MT1M: variants seen among roughly 807,000 people sequenced by gnomAD.
MT1M encodes metallothionein-1M.
MT1M carries 11 observed loss-of-function variants against 8.5 expected under a neutral mutation model. That is an observed-to-expected ratio of 1.29 (90% confidence interval 0.81 to 2.14). MT1M has a LOEUF of 2.14. MT1M is among the 30% of genes most tolerant of loss of function. MT1M has a pLI of 0.00. For missense variants in MT1M, 84 were observed against 76.6 expected (o/e 1.10, Z -0.36); for synonymous variants, 28 against 30.0 (o/e 0.93, Z 0.22).
Position 56,632,677 on chromosome 16 carries a change from G to C in MT1M, c.-55G>C. 4 of 1,610,562 alleles carry C rather than the reference G, an allele frequency of 2.5e-6. No homozygotes were observed. The highest frequency in any genetic ancestry group is 2.5e-6 in the Non-Finnish European group (3 of 1,178,346). On this transcript the variant is annotated 5_prime_UTR_variant, in exon 1 of 3. Coordinates refer to ENST00000379818, the MANE Select transcript of MT1M (RefSeq NM_176870.3). Reference sequence around the variant, plus strand: ...GCGCTCCACCACGCCGTCCGGGTGGGCCTAGCAGTCGCTCCATTTATCGCT... The same window carrying C: ...GCGCTCCACCACGCCGTCCGGGTGGCCCTAGCAGTCGCTCCATTTATCGCT...
At chr16:56,633,135 G>T (rs1296431585) in intron 1 of MT1M, among the ~76,000 whole-genome samples, 1 of 152,168 alleles carries the variant, frequency 6.6e-6, no homozygotes, top group African/African-American at 2.4e-5. Context: ...GGTTGGGTGT[G>T]CCCCTGGGAC....
rs552403748 is a variant in MT1M at position 56,632,670 on chromosome 16, C to T, written c.-62C>T. ...GGCTGTGGCGCTCCACCACGCCGTC[C>T]GGGTGGGCCTAGCAGTCGCTCCATT... On this transcript the variant is annotated 5_prime_UTR_variant, in exon 1 of 3. Transcript: ENST00000379818. The T allele has an allele frequency of 3.4e-5, 54 of 1,606,850 alleles. No individual in the cohort carries two copies. In the South Asian group the frequency reaches 3.7e-4, roughly 11 times the overall value.
rs376010418 is a variant in MT1M at position 56,633,741 on chromosome 16, T to C, written c.95-10T>C. 1 of 1,613,974 alleles carries C rather than the reference T, an allele frequency of 6.2e-7. No homozygotes were observed. The highest frequency in any genetic ancestry group is 1.3e-5 in the African/African-American group (1 of 74,912). ...GTCTACTGCTACCTCTCTCTCCCCT[T>C]CTTCCCCAGGCTGCTGCTCCTGCTG... On this transcript the variant is annotated splice_polypyrimidine_tract_variant and intron_variant, in intron 2 of 2. Coordinates refer to ENST00000379818, the MANE Select transcript of MT1M (RefSeq NM_176870.3).
In MT1M at chr16:56,633,656, T is replaced by G. The variant is rs534152251; in HGVS notation, c.95-95T>G. On this transcript the variant is annotated intron_variant, in intron 2 of 2. Coordinates refer to ENST00000379818, the MANE Select transcript of MT1M (RefSeq NM_176870.3). ...TGTGCCAGACGTAAAAAGCTTCCTC[T>G]GGGTCTGGGTTCTGAGCTCCAGCCA... 2.5e-3 allele frequency: 3,946 copies of G among 1,601,380 alleles called. 28 individuals carry two copies. The highest frequency in any genetic ancestry group is 2.0e-3 in the Non-Finnish European group (2,289 of 1,169,106).
intron 2 of MT1M, 121 bp from the exon 3 acceptor site, chr16:56,633,630 C>A: frequency 6.3e-7 from 1 of 1,599,608 alleles, no homozygotes; most frequent in East Asian, 2.2e-5. Flanking sequence ...CAGAACAGAG[C>A]TGTGCCAGAC....
rs1960319747 is a variant in MT1M at position 56,633,578 on chromosome 16, T to C, written c.94+173T>C. On this transcript the variant is annotated intron_variant, in intron 2 of 2. Transcript: ENST00000379818. ...AATTCAGATGGGGCAGGACAGCATT[T>C]TTCTCTTGGGACACAAATCCCAACT... is the stretch of plus-strand genomic sequence containing the variant. 3 of 1,595,902 alleles carry C rather than the reference T, an allele frequency of 1.9e-6. No homozygotes were observed. The South Asian group carries it at 3.3e-5, about 18-fold the overall frequency.
chr16:56,633,335 T>C lies in MT1M; in HGVS notation c.29-5T>C. 6.2e-7 allele frequency: 1 copy of C among 1,614,228 alleles called. No individual in the cohort carries two copies. The highest frequency in any genetic ancestry group is 8.5e-7 in the Non-Finnish European group (1 of 1,180,034). ...CTGCCCACTGCGTTTTTCTCTTCCTTGCAGGTGTCTCCTGCGCCTGCACCG... is the reference window on the plus strand; with the variant it reads ...CTGCCCACTGCGTTTTTCTCTTCCTCGCAGGTGTCTCCTGCGCCTGCACCG... On this transcript the variant is annotated splice_polypyrimidine_tract_variant and splice_region_variant and intron_variant, in intron 1 of 2. Coordinates refer to ENST00000379818, the MANE Select transcript of MT1M (RefSeq NM_176870.3).
Position 56,633,872 on chromosome 16 carries a change from A to G in MT1M, c.*30A>G. On this transcript the variant is annotated 3_prime_UTR_variant, in exon 3 of 3. Coordinates refer to ENST00000379818, the MANE Select transcript of MT1M (RefSeq NM_176870.3). ...GGAACAGCTCTTCTCCCAGATGTTA[A>G]TAGAACAAGCTGCACAACCTGGATT... The G allele has an allele frequency of 1.9e-6, 3 of 1,611,610 alleles. No individual in the cohort carries two copies. Among genetic ancestry groups the G allele is most frequent in the Non-Finnish European group, 2.5e-6 (3 of 1,177,974 alleles).
intron 2 of MT1M, 80 bp downstream of exon 2, chr16:56,633,485 C>T (rs1290923260): frequency 1.2e-6 from 2 of 1,613,860 alleles, no homozygotes; most frequent in South Asian, 1.1e-5. Flanking sequence ...TGAGTGCATC[C>T]TTCTGGGGAA....
At chr16:56,632,894 G>T in intron 1 of MT1M, 135 bp downstream of exon 1, 3 of 1,189,082 alleles carry the variant, frequency 2.5e-6, no homozygotes, top group Non-Finnish European at 3.7e-6. Flanking sequence ...CTTTCTTCCT[G>T]ATCTCCCCTC....
chr16:56,632,884 C>G, intron 1 of MT1M, 125 bp downstream of exon 1: 1 of 1,273,436 alleles, frequency 7.9e-7, no homozygotes, highest in Non-Finnish European at 1.1e-6. Flanking sequence ...TCCTTAGGTG[C>G]TTTCTTCCTG....
Position 56,633,385 on chromosome 16 carries a change from A to G in MT1M, c.74A>G (p.Lys25Arg). Residue 25 changes from lysine (K) to arginine (R), a missense_variant, in exon 2 of 3, where the codon AAA becomes AGA. Coordinates refer to ENST00000379818, the MANE Select transcript of MT1M (RefSeq NM_176870.3). ...CTGSCTCKEC[K>R]CTSCKKSCCS... is the part of the protein sequence containing the mutation. ...GGCTCCTGCACGTGCAAAGAGTGCA[A>G]ATGCACCTCCTGCAAGAAGAGTGAG... 6.2e-7 allele frequency: 1 copy of G among 1,614,150 alleles called. No homozygotes were observed. Among genetic ancestry groups the G allele is most frequent in the Non-Finnish European group, 8.5e-7 (1 of 1,180,034 alleles).
In MT1M at chr16:56,633,897, T is replaced by A; in HGVS notation, c.*55T>A. On this transcript the variant is annotated 3_prime_UTR_variant, in exon 3 of 3. Transcript: ENST00000379818. ...ATAGAACAAGCTGCACAACCTGGAT[T>A]TTTTTTCAATACGATACTGAGCCAT... 2 of 1,581,888 alleles carry A rather than the reference T, an allele frequency of 1.3e-6. No homozygotes were observed. The highest frequency in any genetic ancestry group is 2.2e-5 in the South Asian group (2 of 89,884).
intron 1 of MT1M, 145 bp from the exon 2 acceptor site, chr16:56,633,195 G>A: frequency 3.0e-6 from 4 of 1,353,700 alleles, no homozygotes; most frequent in Non-Finnish European, 4.1e-6. Flanking sequence ...CAGCGTTAGT[G>A]GAGAGGACAG....
At chr16:56,633,458 G>T (rs1390706004) in intron 2 of MT1M, 53 bp downstream of exon 2, 11 of 1,614,108 alleles carry the variant, frequency 6.8e-6, no homozygotes, top group Non-Finnish European at 9.3e-6. Flanking sequence ...GATTGGGAGG[G>T]AACCCAAGGC....
In MT1M at chr16:56,632,721, C is replaced by T. The variant is rs755277666; in HGVS notation, c.-11C>T. 6 of 1,613,382 alleles carry T rather than the reference C, an allele frequency of 3.7e-6. No individual in the cohort carries two copies. Among genetic ancestry groups the T allele is most frequent in the African/African-American group, 2.7e-5 (2 of 74,918 alleles). On this transcript the variant is annotated 5_prime_UTR_variant, in exon 1 of 3. Coordinates refer to ENST00000379818, the MANE Select transcript of MT1M (RefSeq NM_176870.3). ...TATCGCTTGAGATCTCCAGCCTTAC[C>T]GCGGCTCGAAATGGACCCCAACTGC...
Position 56,632,673 on chromosome 16 carries a change from G to A in MT1M, c.-59G>A, listed in dbSNP as rs1960303770. The A allele has an allele frequency of 1.2e-6, 2 of 1,609,486 alleles. No homozygotes were observed. The highest frequency in any genetic ancestry group is 1.3e-5 in the African/African-American group (1 of 74,910). On this transcript the variant is annotated 5_prime_UTR_variant, in exon 1 of 3. The change creates a new upstream start codon in the 5' untranslated region. Coordinates refer to ENST00000379818, the MANE Select transcript of MT1M (RefSeq NM_176870.3). ...TGTGGCGCTCCACCACGCCGTCCGG[G>A]TGGGCCTAGCAGTCGCTCCATTTAT...
At chr16:56,633,233 C>T (rs1311017639) in intron 1 of MT1M, 107 bp from the exon 2 acceptor site, 2 of 1,529,088 alleles carry the variant, frequency 1.3e-6, no homozygotes, top group Admixed American at 1.7e-5. Context: ...GAAAGGAGCT[C>T]TGAGGGCTGG....
chr16:56,633,321 G>C lies in MT1M; in HGVS notation c.29-19G>C, dbSNP rs779680186. The C allele has an allele frequency of 1.9e-6, 3 of 1,614,176 alleles. No homozygotes were observed. The highest frequency in any genetic ancestry group is 2.5e-6 in the Non-Finnish European group (3 of 1,180,022). ...CTTCATCTCACTCACTGCCCACTGC[G>C]TTTTTCTCTTCCTTGCAGGTGTCTC... On this transcript the variant is annotated intron_variant, in intron 1 of 2. Coordinates refer to ENST00000379818, the MANE Select transcript of MT1M (RefSeq NM_176870.3).
Sources: allele counts gnomAD v4.1 joint callset (sites outside exome capture counted in the v4.1 genomes callset), GRCh38; gene constraint gnomAD v4.1.1; transcripts MANE v1.5; gene names NCBI Gene and HGNC (gene_info 2026-07-23, HGNC 2026-07-21).